ADIPOR2: variants seen among roughly 807,000 people sequenced by gnomAD.
ADIPOR2 encodes the protein adiponectin receptor protein 2.
ADIPOR2 carries 18 observed loss-of-function variants against 40.9 expected under a neutral mutation model. The observed-to-expected ratio is 0.44, with a 90% confidence interval of 0.30 to 0.65. ADIPOR2 has a LOEUF of 0.65. ADIPOR2 is among the 30% of genes least tolerant of loss of function. The pLI is 0.09. For synonymous variants in ADIPOR2, 165 were observed against 166.4 expected, an observed-to-expected ratio of 0.99 and a Z score of 0.06; for missense variants, 283 against 479.2, an observed-to-expected ratio of 0.59 and a Z score of 3.82.
intron 1 of ADIPOR2, among the ~76,000 whole-genome samples, chr12:1,709,898 T>C (rs1268980869): frequency 6.6e-6 from 1 of 152,250 alleles, no homozygotes; most frequent in East Asian, 1.9e-4. Flanking sequence ...TACCATTTCC[T>C]AGCCAAACCT....
At chr12:1,782,045 TC>T (rs1419062299) in intron 6 of ADIPOR2, among the ~76,000 whole-genome samples, 1 of 152,244 alleles carries the variant, frequency 6.6e-6, no homozygotes, top group Non-Finnish European at 1.5e-5. Context: ...AGAACCAAAT[TC>T]CTGAGCCTTT....
chr12:1,741,305 G>A (rs1241432943), intron 1 of ADIPOR2, among the ~76,000 whole-genome samples: 8 of 152,158 alleles, frequency 5.3e-5, no homozygotes, highest in African/African-American at 1.9e-4. Context: ...GATTATCAAA[G>A]TATTGTAGGT....
intron 2 of ADIPOR2, among the ~76,000 whole-genome samples, chr12:1,762,015 A>G (rs918774966): frequency 2.5e-4 from 38 of 152,136 alleles, no homozygotes; most frequent in African/African-American, 9.2e-4. Flanking sequence ...TCATTTCAGG[A>G]CATTCTTCTC....
chr12:1,714,783 A>G (rs1338821662), intron 1 of ADIPOR2, among the ~76,000 whole-genome samples: 1 of 152,120 alleles, frequency 6.6e-6, no homozygotes, highest in East Asian at 1.9e-4. Context: ...GGCTGCAACT[A>G]AAGCTGCATT....
intron 1 of ADIPOR2, among the ~76,000 whole-genome samples, chr12:1,753,223 G>C (rs1354638540): frequency 6.6e-6 from 1 of 152,032 alleles, no homozygotes; most frequent in Non-Finnish European, 1.5e-5. Context: ...ATATACCCTG[G>C]TCTCTTCCTG....
At chr12:1,784,898 T>C (rs1460659271) in intron 7 of ADIPOR2, among the ~76,000 whole-genome samples, 1 of 152,252 alleles carries the variant, frequency 6.6e-6, no homozygotes, top group African/African-American at 2.4e-5. Context: ...GATGATCTCA[T>C]CTCTTTAAAG....
intron 1 of ADIPOR2, among the ~76,000 whole-genome samples, chr12:1,733,450 G>A (rs1055381751): frequency 3.3e-5 from 5 of 152,014 alleles, no homozygotes; most frequent in Admixed American, 1.3e-4. Flanking sequence ...CTTGAGACCT[G>A]CATTCTTTAT....
At chr12:1,777,775 A>G in intron 3 of ADIPOR2, 79 bp from the exon 4 acceptor site, 13 of 1,349,286 alleles carry the variant, frequency 9.6e-6, no homozygotes, top group Middle Eastern at 1.9e-4. Flanking sequence ...ACAGTGTGAT[A>G]AGACACAGTT....
chr12:1,774,950 G>A (rs1221465817), intron 3 of ADIPOR2, among the ~76,000 whole-genome samples: 13 of 47,070 alleles, frequency 2.8e-4, no homozygotes, highest in Non-Finnish European at 5.1e-4. Context: ...TGATCTGCCC[G>A]CCTCGGCCTC....
At chr12:1,758,049 A>G in intron 2 of ADIPOR2, 1 of 658,020 alleles carries the variant, frequency 1.5e-6, no homozygotes, top group Non-Finnish European at 2.8e-6. Flanking sequence ...ATATTTTTAG[A>G]GTCCAGAACT....
At position 1,724,584 on chromosome 12, in the gene ADIPOR2, A is replaced by G. The variant is rs796071652; in HGVS notation, c.-86-29674A>G. 3.3e-5 allele frequency among the ~76,000 whole-genome samples: 5 copies of G among 152,210 alleles called. No homozygotes were observed. In the South Asian group the frequency reaches 8.3e-4, roughly 25 times the overall value. On this transcript the variant is annotated intron_variant, in intron 1 of 7. Transcript: ENST00000357103. ...AGATGGTTGTAAGGGTCACACAACAATATAAATGTACTCAGTAACATTAAC... is the reference window on the plus strand; with the variant it reads ...AGATGGTTGTAAGGGTCACACAACAGTATAAATGTACTCAGTAACATTAAC...
chr12:1,738,097 G>T (rs748547510), intron 1 of ADIPOR2, among the ~76,000 whole-genome samples: 1 of 151,484 alleles, frequency 6.6e-6, no homozygotes, highest in Non-Finnish European at 1.5e-5. Flanking sequence ...TTATGGCTGG[G>T]TGTGGTAGCT....
At chr12:1,740,731 T>C (rs1263168386) in intron 1 of ADIPOR2, among the ~76,000 whole-genome samples, 4 of 152,216 alleles carry the variant, frequency 2.6e-5, no homozygotes, top group Admixed American at 2.6e-4. Flanking sequence ...TATGTGTGTG[T>C]ACTATGTGAC....
chr12:1,742,196 G>A (rs896443302), intron 1 of ADIPOR2, among the ~76,000 whole-genome samples: 3 of 152,112 alleles, frequency 2.0e-5, no homozygotes, highest in Non-Finnish European at 2.9e-5. Context: ...AAGCTCAAGC[G>A]ATCCTCCCAC....
At chr12:1,750,464 G>A (rs2094766728) in intron 1 of ADIPOR2, among the ~76,000 whole-genome samples, 2 of 151,834 alleles carry the variant, frequency 1.3e-5, no homozygotes, top group African/African-American at 2.4e-5. Flanking sequence ...GTACTTGGCA[G>A]GTGGAGGGCA....
At chr12:1,782,145 A>G (rs538889672) in intron 6 of ADIPOR2, among the ~76,000 whole-genome samples, 37 of 152,326 alleles carry the variant, frequency 2.4e-4, no homozygotes, top group South Asian at 4.1e-4. Flanking sequence ...AAGTCTAGCA[A>G]ATCTTTCCTT....
intron 1 of ADIPOR2, among the ~76,000 whole-genome samples, chr12:1,716,899 C>G (rs1362454485): frequency 6.6e-6 from 1 of 152,122 alleles, no homozygotes; most frequent in Admixed American, 6.6e-5. Context: ...TGGGAGATGG[C>G]TGGAATATTT....
chr12:1,704,852 TTC>T (rs2094658896), intron 1 of ADIPOR2, among the ~76,000 whole-genome samples: 1 of 152,204 alleles, frequency 6.6e-6, no homozygotes, highest in Non-Finnish European at 1.5e-5. Flanking sequence ...TTCCTTTTCT[TTC>T]TCATACTGGT....
chr12:1,757,622 C>G, intron 2 of ADIPOR2: 1 of 1,290,908 alleles, frequency 7.7e-7, no homozygotes, highest in Non-Finnish European at 1.1e-6. Flanking sequence ...TGAGGGATTC[C>G]TTTTGTGCCC....
Sources: allele counts gnomAD v4.1 joint callset (sites outside exome capture counted in the v4.1 genomes callset), GRCh38; gene constraint gnomAD v4.1.1; transcripts MANE v1.5; gene names NCBI Gene and HGNC (gene_info 2026-07-23, HGNC 2026-07-21).